Variants in HFM1 observed in about 807,000 individuals in gnomAD.
HFM1 encodes helicase for meiosis 1.
In HFM1, 169 loss-of-function variants were observed where a neutral mutation model predicts 192.1. That is an observed-to-expected ratio of 0.88 (90% confidence interval 0.78 to 1.00). HFM1 has a LOEUF of 1.00. HFM1 is among the 50% of genes least tolerant of loss of function. HFM1 has a pLI of 0.00. For synonymous variants in HFM1, 525 were observed against 537.8 expected, an observed-to-expected ratio of 0.98 and a Z score of 0.33; for missense variants, 1,661 against 1,668.0, an observed-to-expected ratio of 1.00 and a Z score of 0.07.
At chr1:91,376,518 G>C (rs796392172) in intron 11 of HFM1, among the ~76,000 whole-genome samples, 11 of 151,620 alleles carry the variant, frequency 7.3e-5, no homozygotes, top group African/African-American at 2.7e-4. Flanking sequence ...ATCACAAAGG[G>C]GAAAAGTTTC....
At chr1:91,303,491 G>C (rs1388583579) in intron 30 of HFM1, among the ~76,000 whole-genome samples, 1 of 152,142 alleles carries the variant, frequency 6.6e-6, no homozygotes, top group Non-Finnish European at 1.5e-5. Flanking sequence ...CTAAGTTTTT[G>C]TATGAATATG....
At chr1:91,359,343 A>G (rs1658184262) in intron 13 of HFM1, among the ~76,000 whole-genome samples, 1 of 152,168 alleles carries the variant, frequency 6.6e-6, no homozygotes, top group Non-Finnish European at 1.5e-5. Context: ...AATGCAAAAA[A>G]AGGTAAGAAC....
intron 13 of HFM1, among the ~76,000 whole-genome samples, chr1:91,364,632 A>ATATATTTTTTTTTTT (rs753472335): frequency 3.3e-4 from 22 of 66,774 alleles, no homozygotes; most frequent in East Asian, 1.0e-3. Context: ...ATATATATAT[A>ATATATTTTTTTTTTT]TTTTTTTTTT....
At chr1:91,294,855 T>C (rs1647278279) in intron 30 of HFM1, among the ~76,000 whole-genome samples, 3 of 152,190 alleles carry the variant, frequency 2.0e-5, no homozygotes, top group African/African-American at 7.2e-5. Flanking sequence ...TTTTATCTGG[T>C]ATATACCTAG....
chr1:91,318,944 T>G lies in HFM1; in HGVS notation c.2812+134A>C, dbSNP rs140050207. On this transcript the variant is annotated intron_variant, in intron 25 of 38. Transcript: ENST00000370425. ...CAAAGGAAAATCAGATTTTCGAAAGTACAGCACTTATTTAAGCCTACAAAC... is the reference window on the plus strand; with the variant it reads ...CAAAGGAAAATCAGATTTTCGAAAGGACAGCACTTATTTAAGCCTACAAAC... 480 of 793,000 alleles carry G rather than the reference T, an allele frequency of 6.1e-4. 1 individual carries two copies. In the African/African-American group the frequency reaches 7.5e-3, roughly 12 times the overall value. The allele number at this position is 793,000 out of a possible 1,614,324, so 49.1% of individuals were successfully genotyped here.
chr1:91,372,870 A>C (rs75717068), intron 13 of HFM1, among the ~76,000 whole-genome samples: 2,724 of 152,022 alleles, frequency 0.018, 38 homozygotes, highest in Non-Finnish European at 0.029. Flanking sequence ...GACTTCATCT[A>C]CTTTTTGACT....
rs1299238073 is a variant in HFM1, at chr1:91,385,768, G to GT, written c.560dup (p.His187GlnfsTer21). On this transcript the variant is annotated frameshift_variant, in exon 5 of 39. Coordinates refer to ENST00000370425, the MANE Select transcript of HFM1 (RefSeq NM_001017975.6). LOFTEE classifies it high-confidence loss of function. ...TTTGTACAATTTTCACTGAGCCAAT[G>GT]TGAGAGTCCAATTCATTGTCATTAG... The GT allele has an allele frequency of 1.2e-6, 2 of 1,607,740 alleles. No homozygotes were observed.
At chr1:91,333,739 TACC>T (rs968761714) in intron 20 of HFM1, among the ~76,000 whole-genome samples, 2 of 152,142 alleles carry the variant, frequency 1.3e-5, no homozygotes, top group African/African-American at 4.8e-5. Flanking sequence ...TATATATACT[TACC>T]ATTTACCGAC....
intron 30 of HFM1, among the ~76,000 whole-genome samples, chr1:91,287,827 T>A (rs916085146): frequency 1.3e-5 from 2 of 152,006 alleles, no homozygotes; most frequent in African/African-American, 4.8e-5. Flanking sequence ...AAGGAGCTGA[T>A]GGAGCTGAAA....
Position 91,277,383 on chromosome 1 carries a change from T to C in HFM1, c.3392-321A>G, listed in dbSNP as rs1666931035. On this transcript the variant is annotated intron_variant, in intron 30 of 38. Coordinates refer to ENST00000370425, the MANE Select transcript of HFM1 (RefSeq NM_001017975.6). The stretch of plus-strand genomic sequence containing the variant: ...TACAGGCACTTACCACCATGCCTGG[T>C]AATTTTTAAAACATATTTTTGATAA... 3.3e-5 allele frequency among the ~76,000 whole-genome samples: 5 copies of C among 151,086 alleles called. No individual in the cohort carries two copies. The South Asian group carries it at 1.0e-3, about 31-fold the overall frequency.
intron 1 of HFM1, among the ~76,000 whole-genome samples, chr1:91,401,683 T>G (rs1557541813): frequency 1.3e-5 from 2 of 152,212 alleles, no homozygotes; most frequent in Non-Finnish European, 1.5e-5. Context: ...GGGTTCATTA[T>G]AATATTTTTT....
intron 30 of HFM1, among the ~76,000 whole-genome samples, chr1:91,299,962 C>T (rs1423709522): frequency 6.6e-6 from 1 of 151,948 alleles, no homozygotes; most frequent in South Asian, 2.1e-4. Context: ...AATAGAGACA[C>T]AAAAAACCCT....
intron 13 of HFM1, among the ~76,000 whole-genome samples, chr1:91,366,907 C>A (rs1659400512): frequency 6.6e-6 from 1 of 152,158 alleles, no homozygotes. Flanking sequence ...TCACTCCCAC[C>A]CTAAAACTGC....
chr1:91,365,990 T>C (rs372260022), intron 13 of HFM1, among the ~76,000 whole-genome samples: 1 of 126,686 alleles, frequency 7.9e-6, no homozygotes, highest in African/African-American at 2.9e-5. Flanking sequence ...AAAACAGGAA[T>C]AAAAAGAGAT....
intron 30 of HFM1, among the ~76,000 whole-genome samples, chr1:91,302,483 C>T (rs1170968958): frequency 1.3e-5 from 2 of 152,062 alleles, no homozygotes; most frequent in African/African-American, 4.8e-5. Context: ...CACATGCACA[C>T]GTATGTTTAT....
intron 13 of HFM1, among the ~76,000 whole-genome samples, chr1:91,366,867 G>T (rs1369475219): frequency 6.6e-6 from 1 of 152,224 alleles, no homozygotes; most frequent in Non-Finnish European, 1.5e-5. Flanking sequence ...GTCAAAGAAA[G>T]GGGTGACAGA....
At position 91,292,257 on chromosome 1, in the gene HFM1, A is replaced by C. The variant is rs1668854224; in HGVS notation, c.3392-15195T>G. Among the ~76,000 whole-genome samples the C allele has an allele frequency of 1.4e-5, 2 of 140,394 alleles. 1 individual carries two copies. Among genetic ancestry groups the C allele is most frequent in the Middle Eastern group, 6.8e-3 (2 of 292 alleles). 92.1% of individuals were successfully genotyped at this position (140,394 alleles called of 152,430 possible). The stretch of plus-strand genomic sequence containing the variant: ...TATTCGATTAGGAAAAGAGGAAGTC[A>C]AATTGTCCCTGTTTGCAGATGACAT... On this transcript the variant is annotated intron_variant, in intron 30 of 38. Coordinates refer to ENST00000370425, the MANE Select transcript of HFM1 (RefSeq NM_001017975.6).
intron 13 of HFM1, among the ~76,000 whole-genome samples, chr1:91,372,972 C>G (rs1660433260): frequency 6.6e-6 from 1 of 152,010 alleles, no homozygotes; most frequent in Non-Finnish European, 1.5e-5. Flanking sequence ...TATAAAAGAA[C>G]TACTCTACAT....
intron 13 of HFM1, among the ~76,000 whole-genome samples, chr1:91,367,983 A>G (rs1256208936): frequency 1.3e-5 from 2 of 152,246 alleles, no homozygotes; most frequent in African/African-American, 4.8e-5. Flanking sequence ...GATGTGATCA[A>G]CTGGAAGAAA....
Sources: gnomAD v4.1 joint callset for allele counts (sites outside exome capture counted in the v4.1 genomes callset) on GRCh38, gnomAD v4.1.1 for gene constraint, MANE v1.5 for transcripts, NCBI Gene and HGNC (gene_info 2026-07-23, HGNC 2026-07-21) for gene names.